The following NUDT21 variants were observed in gnomAD, a reference collection of about 807,000 sequenced individuals.
NUDT21 encodes the protein nudix hydrolase 21.
A neutral mutation model predicts 29.8 loss-of-function variants in NUDT21; 5 were observed. The observed-to-expected ratio is 0.17, with a 90% CI of 0.09 to 0.35. The LOEUF is 0.35. Among genes scored for constraint, NUDT21 ranks in the 10% least tolerant of loss-of-function variants. NUDT21 has a pLI of 1.00. For synonymous variants in NUDT21, 113 were observed against 98.5 expected, an observed-to-expected ratio of 1.15 and a Z score of -0.87; for missense variants, 76 against 276.0, an observed-to-expected ratio of 0.28 and a Z score of 5.13.
chr16:56,434,181 T>A, intron 6 of NUDT21, 150 bp downstream of exon 6: 3 of 628,194 alleles, frequency 4.8e-6, no homozygotes, highest in South Asian at 3.7e-5. Context: ...TCACAATTAA[T>A]CTATGGCTTG....
At chr16:56,443,325 C>T (rs1962181121) in intron 3 of NUDT21, among the ~76,000 whole-genome samples, 1 of 152,026 alleles carries the variant, frequency 6.6e-6, no homozygotes, top group African/African-American at 2.4e-5. Flanking sequence ...TACAGGCACC[C>T]GCCACCACGC....
intron 3 of NUDT21, among the ~76,000 whole-genome samples, chr16:56,441,479 T>C (rs866796363): frequency 6.6e-6 from 1 of 151,722 alleles, no homozygotes; most frequent in African/African-American, 2.4e-5. Context: ...GTGATCCACC[T>C]GCCTCGGCCT....
At chr16:56,437,509 C>T (rs1962116344) in intron 4 of NUDT21, among the ~76,000 whole-genome samples, 1 of 152,160 alleles carries the variant, frequency 6.6e-6, no homozygotes, top group African/African-American at 2.4e-5. Context: ...GATTTCGGGG[C>T]AGCTATGTTT....
At chr16:56,448,020 G>A in intron 1 of NUDT21, 31 bp from the exon 2 acceptor site, 2 of 1,570,152 alleles carry the variant, frequency 1.3e-6, no homozygotes, top group South Asian at 1.1e-5. Context: ...TCTAACATGA[G>A]AACTGAAGAA....
At chr16:56,435,161 T>G (rs1471259964) in intron 4 of NUDT21, 1 of 168,050 alleles carries the variant, frequency 6.0e-6, no homozygotes, top group Non-Finnish European at 1.3e-5. Flanking sequence ...TTTGCTCTTG[T>G]TGCCTAGGCT....
intron 4 of NUDT21, among the ~76,000 whole-genome samples, chr16:56,437,242 C>T (rs2143935957): frequency 6.6e-6 from 1 of 152,242 alleles, no homozygotes; most frequent in South Asian, 2.1e-4. Flanking sequence ...TTGTGCAATG[C>T]TTGACCTGAA....
chr16:56,434,363 G>A lies in NUDT21; in HGVS notation c.630C>T (p.Pro210=). 1 of 1,613,232 alleles carries A rather than the reference G, an allele frequency of 6.2e-7. No homozygotes were observed. Among genetic ancestry groups the A allele is most frequent in the Non-Finnish European group, 8.5e-7 (1 of 1,179,304 alleles). ...ACAGCTGAGGGAGACTAGAAATGAT[G>A]GGTCCATATCCTGGTGCATTGTCAT... is the stretch of plus-strand genomic sequence containing the variant. ...ELYDNAPGYG[P]IISSLPQLLS... is the part of the protein sequence containing the mutation. Residue 210 remains proline, a synonymous_variant, in exon 6 of 7, where the codon CCC becomes CCT. Transcript: ENST00000300291.
intron 6 of NUDT21, 32 bp from the exon 7 acceptor site, chr16:56,432,765 A>G (rs779664939): frequency 6.8e-7 from 1 of 1,480,596 alleles, no homozygotes; most frequent in Non-Finnish European, 9.4e-7. Flanking sequence ...ACCTTTATTA[A>G]AGACAGTACA....
chr16:56,434,388 T>C lies in NUDT21; in HGVS notation c.605A>G (p.Tyr202Cys). The change falls in exon 6 of 7, where the codon TAT becomes TGT. Residue 202 changes from tyrosine to cysteine, a missense_variant. Tyr to Cys is a radical substitution (Grantham distance 194). Coordinates refer to ENST00000300291, the MANE Select transcript of NUDT21 (RefSeq NM_007006.3). ...KLVAAPLFELYDNAPGYGPII... is the reference protein window; with the variant it reads ...KLVAAPLFELCDNAPGYGPII... ...GGGTCCATATCCTGGTGCATTGTCA[T>C]ACAATTCAAACAATGGTGCAGCTAC... is the stretch of plus-strand genomic sequence containing the variant. 1 of 1,613,868 alleles carries C rather than the reference T, an allele frequency of 6.2e-7. No individual in the cohort carries two copies. The highest frequency in any genetic ancestry group is 1.1e-5 in the South Asian group (1 of 91,076).
At chr16:56,434,880 C>A in intron 4 of NUDT21, 51 bp from the exon 5 acceptor site, 1 of 1,121,622 alleles carries the variant, frequency 8.9e-7, no homozygotes, top group South Asian at 1.3e-5. Context: ...GGCTTCATTT[C>A]TTTACATGTT....
chr16:56,440,989 C>T (rs1962153399), intron 3 of NUDT21, among the ~76,000 whole-genome samples: 1 of 152,034 alleles, frequency 6.6e-6, no homozygotes, highest in Admixed American at 6.6e-5. Flanking sequence ...ATCTGCCCAC[C>T]TCACTCTCCC....
rs1962046181 is a variant in NUDT21, at chr16:56,432,589, G to A, written c.*123C>T. 6.7e-6 allele frequency: 4 copies of A among 597,402 alleles called. No individual in the cohort carries two copies. The Admixed American group carries it at 1.2e-4, about 18-fold the overall frequency. 37.0% of individuals were successfully genotyped at this position (597,402 alleles called of 1,614,324 possible). A position where few individuals can be genotyped will look rare whatever the true frequency, so the allele number is the denominator to read the frequency against. Reference sequence around the variant, plus strand: ...TTACTATTCAAACAATAGAAAGGTGGCAATTTAGGGATCGCAAAAGAGATA... The same window carrying A: ...TTACTATTCAAACAATAGAAAGGTGACAATTTAGGGATCGCAAAAGAGATA... On this transcript the variant is annotated 3_prime_UTR_variant, in exon 7 of 7. Transcript: ENST00000300291.
In NUDT21 at chr16:56,436,649, A is replaced by G. The variant is rs189154808; in HGVS notation, c.472-1820T>C. ...ATAAAAGTTCCCAAACCATGATCAA[A>G]CAAAATGAGTAGCATTTCCCCAAAT... On this transcript the variant is annotated intron_variant, in intron 4 of 6. Transcript: ENST00000300291. Among the ~76,000 whole-genome samples, 452 of 152,318 alleles carry G rather than the reference A, an allele frequency of 3.0e-3. 2 individuals carry two copies. Among genetic ancestry groups the G allele is most frequent in the Middle Eastern group, 0.01 (3 of 294 alleles).
chr16:56,446,724 A>T, intron 2 of NUDT21, 35 bp from the exon 3 acceptor site: 1 of 1,327,846 alleles, frequency 7.5e-7, no homozygotes, highest in Non-Finnish European at 1.1e-6. Context: ...CTTTCAACTT[A>T]ATACAATTTG....
At chr16:56,435,022 A>C in intron 4 of NUDT21, 193 bp from the exon 5 acceptor site, 1 of 394,268 alleles carries the variant, frequency 2.5e-6, no homozygotes, top group Non-Finnish European at 4.5e-6. Context: ...TAAACCAGTC[A>C]ACCATTCGAG....
At chr16:56,434,492 G>A (rs2143932570) in intron 5 of NUDT21, 47 bp from the exon 6 acceptor site, 2 of 1,057,508 alleles carry the variant, frequency 1.9e-6, no homozygotes, top group East Asian at 4.9e-5. Flanking sequence ...TATAATCACT[G>A]CTTCCATTTC....
chr16:56,438,071 T>C lies in NUDT21; in HGVS notation c.471+1586A>G, dbSNP rs929506736. 8.5e-5 allele frequency among the ~76,000 whole-genome samples: 13 copies of C among 152,352 alleles called. No homozygotes were observed. In the East Asian group the frequency reaches 9.6e-4, roughly 11 times the overall value. On this transcript the variant is annotated intron_variant, in intron 4 of 6. Transcript: ENST00000300291. Reference sequence around the variant, plus strand: ...TGGAAGTACACTATACCAATTGTGATAGACTGCCTTAAGATGACCCCCAAT... The same window carrying C: ...TGGAAGTACACTATACCAATTGTGACAGACTGCCTTAAGATGACCCCCAAT...
At position 56,451,176 on chromosome 16, in the gene NUDT21, C is replaced by T. The variant is rs550653423; in HGVS notation, c.27G>A (p.Ser9=). Residue 9 remains serine (S), a synonymous_variant, in exon 1 of 7, where the codon TCG becomes TCA. Coordinates refer to ENST00000300291, the MANE Select transcript of NUDT21 (RefSeq NM_007006.3). ...TGACCCCCCGGGGCCAGCCGGTCTG[C>T]GAGCGATTGGGCGGTACCACAGACA... MSVVPPNR[S]QTGWPRGVTQ... The T allele has an allele frequency of 2.5e-6, 4 of 1,611,968 alleles. No homozygotes were observed. Among genetic ancestry groups the T allele is most frequent in the Non-Finnish European group, 2.5e-6 (3 of 1,179,082 alleles).
intron 3 of NUDT21, among the ~76,000 whole-genome samples, chr16:56,442,227 T>C (rs1962167733): frequency 6.6e-6 from 1 of 152,204 alleles, no homozygotes; most frequent in East Asian, 1.9e-4. Context: ...TACTTGATAG[T>C]CTCAACCCTG....
Sources: allele counts gnomAD v4.1 joint callset (sites outside exome capture counted in the v4.1 genomes callset), GRCh38; gene constraint gnomAD v4.1.1; transcripts MANE v1.5; gene names NCBI Gene and HGNC (gene_info 2026-07-23, HGNC 2026-07-21).